CDH20: variants seen among roughly 807,000 people sequenced by gnomAD.
CDH20 encodes the protein cadherin-20.
Under a neutral mutation model 74.2 loss-of-function variants are expected in CDH20, and 29 were observed. The ratio of observed to expected loss-of-function variants is 0.39; its 90% CI spans 0.29 to 0.53. CDH20 has a LOEUF of 0.53. Ranked by LOEUF, CDH20 falls within the 20% of genes least tolerant of loss-of-function variation. The probability of loss-of-function intolerance (pLI) is 0.69; values close to 1 mark genes in which losing one functional copy is unlikely to be tolerated. For missense variants in CDH20, 988 were observed against 1,048.3 expected (o/e 0.94, Z 0.79); for synonymous variants, 469 against 405.4 (o/e 1.16, Z -1.88).
intron 1 of CDH20, among the ~76,000 whole-genome samples, chr18:61,375,704 G>A (rs914007663): frequency 2.0e-5 from 3 of 151,896 alleles, no homozygotes; most frequent in East Asian, 1.9e-4. Flanking sequence ...TCCCTCCCTA[G>A]GAGGTACTAT....
intron 1 of CDH20, among the ~76,000 whole-genome samples, chr18:61,425,355 A>G (rs1350109386): frequency 6.6e-6 from 1 of 152,154 alleles, no homozygotes; most frequent in Non-Finnish European, 1.5e-5. Context: ...AGTATCCTAT[A>G]CCCTCAGAGA....
At chr18:61,440,748 GC>G (rs757742695) in intron 1 of CDH20, among the ~76,000 whole-genome samples, 84 of 152,260 alleles carry the variant, frequency 5.5e-4, no homozygotes, top group Non-Finnish European at 9.0e-4. Flanking sequence ...CCTTCAACAG[GC>G]CAGGCTTGTT....
intron 1 of CDH20, among the ~76,000 whole-genome samples, chr18:61,442,131 C>T (rs1390148910): frequency 2.6e-5 from 4 of 151,954 alleles, no homozygotes; most frequent in African/African-American, 9.7e-5. Flanking sequence ...AGGAAGACTG[C>T]AGGAGGCCAG....
chr18:61,382,230 A>G lies in CDH20; in HGVS notation c.-153+48403A>G, dbSNP rs898003894. Among the ~76,000 whole-genome samples the G allele has an allele frequency of 5.9e-5, 9 of 152,336 alleles. No individual in the cohort carries two copies. The South Asian group carries it at 1.9e-3, about 32-fold the overall frequency. ...TATTATTGATATAAAGCCTCGGATC[A>G]CTTTCCTCCTTAAGTCTACACTTCA... On this transcript the variant is annotated intron_variant, in intron 1 of 11. Transcript: ENST00000262717.
chr18:61,386,650 G>C (rs1297893065), intron 1 of CDH20, among the ~76,000 whole-genome samples: 1 of 152,062 alleles, frequency 6.6e-6, no homozygotes, highest in Non-Finnish European at 1.5e-5. Flanking sequence ...ATCTAGCATT[G>C]AAAACAGTGA....
chr18:61,411,558 G>GTA (rs1220565064), intron 1 of CDH20, among the ~76,000 whole-genome samples: 8 of 146,452 alleles, frequency 5.5e-5, no homozygotes, highest in African/African-American at 1.5e-4. Context: ...ATATGTATGT[G>GTA]TATATATGTG....
At position 61,406,606 on chromosome 18, in the gene CDH20, A is replaced by T. The variant is rs181904902; in HGVS notation, c.-153+72779A>T. ...CACTCTGCAAGATAGAAACAGGATA[A>T]TGTGATAGAATCCCTGGAAGGGGTG... On this transcript the variant is annotated intron_variant, in intron 1 of 11. Coordinates refer to ENST00000262717, the MANE Select transcript of CDH20 (RefSeq NM_031891.4). 2.4e-4 allele frequency among the ~76,000 whole-genome samples: 36 copies of T among 152,364 alleles called. No individual in the cohort carries two copies. The East Asian group carries it at 3.5e-3, about 15-fold the overall frequency.
chr18:61,357,614 T>C (rs1910536011), intron 1 of CDH20, among the ~76,000 whole-genome samples: 2 of 152,306 alleles, frequency 1.3e-5, no homozygotes, highest in South Asian at 4.1e-4. Context: ...GTGAAAGTAT[T>C]GCATGCCAGC....
At chr18:61,339,360 T>TAC (rs35630137) in intron 1 of CDH20, among the ~76,000 whole-genome samples, 12,328 of 145,840 alleles carry the variant, frequency 0.085, 510 homozygotes, top group Middle Eastern at 0.11. Flanking sequence ...GCAAGTTTAT[T>TAC]ACACACACAC....
chr18:61,384,494 C>T (rs185784525), intron 1 of CDH20, among the ~76,000 whole-genome samples: 3 of 152,184 alleles, frequency 2.0e-5, no homozygotes, highest in African/African-American at 4.8e-5. Context: ...TAATCCCTAC[C>T]AATAATATTA....
chr18:61,479,620 C>T (rs1458713152), intron 1 of CDH20, among the ~76,000 whole-genome samples: 3 of 152,042 alleles, frequency 2.0e-5, no homozygotes, highest in African/African-American at 7.2e-5. Context: ...TTAACAATTG[C>T]CTAGGGTTTT....
intron 1 of CDH20, among the ~76,000 whole-genome samples, chr18:61,386,677 G>C (rs989052049): frequency 6.6e-6 from 1 of 152,046 alleles, no homozygotes; most frequent in African/African-American, 2.4e-5. Flanking sequence ...CCTAGCTATT[G>C]AACAATAGAA....
chr18:61,376,958 G>A (rs1200472096), intron 1 of CDH20, among the ~76,000 whole-genome samples: 1 of 152,102 alleles, frequency 6.6e-6, no homozygotes, highest in Non-Finnish European at 1.5e-5. Context: ...ATAAGTAGCT[G>A]TATTAGCTAG....
chr18:61,528,140 G>C lies in CDH20; in HGVS notation c.1191G>C (p.Glu397Asp). 6.2e-7 allele frequency: 1 copy of C among 1,614,078 alleles called. No homozygotes were observed. The highest frequency in any genetic ancestry group is 8.5e-7 in the Non-Finnish European group (1 of 1,179,988). ...TTGAACCTGGCTTTTACTTTGTGGA[G>C]GTGCCTGAGGATGTGGCGATTGGAA... ...PVFEPGFYFV[E>D]VPEDVAIGTT... Residue 397 changes from glutamate (E) to aspartate (D), a missense_variant, in exon 7 of 12, where the codon GAG becomes GAC. Around this residue, in one of 2 missense-constraint regions of CDH20, gnomAD observed 613 missense variants for 755.2 expected, o/e 0.81. Coordinates refer to ENST00000262717, the MANE Select transcript of CDH20 (RefSeq NM_031891.4).
At position 61,499,231 on chromosome 18, in the gene CDH20, C is replaced by A. The variant is rs1415415236; in HGVS notation, c.292C>A (p.Leu98Ile). ...GGGAGACGGATCCATCAAATACATC[C>A]TCTCGGGAGAAGGTGCTGGCATCGT... is the stretch of plus-strand genomic sequence containing the variant. ...DRGDGSIKYI[L>I]SGEGAGIVFT... The change falls in exon 3 of 12, where the codon CTC becomes ATC. Residue 98 changes from leucine (L) to isoleucine (I), a missense_variant. This residue lies in a region of CDH20 where 613 missense variants were observed against 755.2 expected (regional missense o/e 0.81). Transcript: ENST00000262717. 6.2e-7 allele frequency: 1 copy of A among 1,610,362 alleles called. No homozygotes were observed.
At chr18:61,394,772 G>T (rs1038904779) in intron 1 of CDH20, among the ~76,000 whole-genome samples, 1 of 151,990 alleles carries the variant, frequency 6.6e-6, no homozygotes, top group African/African-American at 2.4e-5. Flanking sequence ...TACCAATGTC[G>T]CTGCCAGAGG....
chr18:61,376,013 AATAGT>A (rs1423014645), intron 1 of CDH20, among the ~76,000 whole-genome samples: 3 of 152,188 alleles, frequency 2.0e-5, no homozygotes, highest in Non-Finnish European at 2.9e-5. Flanking sequence ...ATAGTAACCT[AATAGT>A]ACATTGACTG....
At chr18:61,538,985 C>A in intron 8 of CDH20, 39 bp from the exon 9 acceptor site, 1 of 1,601,904 alleles carries the variant, frequency 6.2e-7, no homozygotes, top group Admixed American at 1.7e-5. Flanking sequence ...TTTGGCATTA[C>A]TAAACTCTCA....
intron 1 of CDH20, among the ~76,000 whole-genome samples, chr18:61,410,384 A>G (rs555432581): frequency 6.6e-6 from 1 of 152,374 alleles, no homozygotes; most frequent in African/African-American, 2.4e-5. Context: ...CATGAAAAAC[A>G]TATTAAATAC....
Sources: allele counts gnomAD v4.1 joint callset (sites outside exome capture counted in the v4.1 genomes callset), GRCh38; gene constraint gnomAD v4.1.1; regional missense constraint gnomAD v4.1.1; transcripts MANE v1.5; gene names NCBI Gene and HGNC (gene_info 2026-07-23, HGNC 2026-07-21).